The following PDZRN3 variants were observed in gnomAD, a reference collection of about 807,000 sequenced individuals.
PDZRN3 encodes E3 ubiquitin-protein ligase PDZRN3.
PDZRN3 carries 38 observed loss-of-function variants against 85.7 expected under a neutral mutation model. The observed-to-expected ratio is 0.44, with a 90% CI of 0.34 to 0.58. PDZRN3 has a LOEUF of 0.58. Among genes scored for constraint, PDZRN3 ranks in the 20% least tolerant of loss-of-function variants. The pLI is 0.01. For missense variants in PDZRN3, 1,629 were observed against 1,506.4 expected, an observed-to-expected ratio of 1.08 and a Z score of -1.35; for synonymous variants, 759 against 638.0, an observed-to-expected ratio of 1.19 and a Z score of -2.86.
intron 3 of PDZRN3, among the ~76,000 whole-genome samples, chr3:73,566,607 T>C (rs542712219): frequency 5.3e-5 from 8 of 152,290 alleles, no homozygotes; most frequent in African/African-American, 1.9e-4. Context: ...TTTCCTTTGA[T>C]GGTGTGACCC....
chr3:73,488,776 T>C (rs1437837584), intron 3 of PDZRN3, among the ~76,000 whole-genome samples: 2 of 152,246 alleles, frequency 1.3e-5, no homozygotes, highest in African/African-American at 4.8e-5. Flanking sequence ...TTCTAAATAA[T>C]TTTATCTTAA....
intron 3 of PDZRN3, among the ~76,000 whole-genome samples, chr3:73,445,543 C>T (rs1702729999): frequency 6.6e-6 from 1 of 152,180 alleles, no homozygotes; most frequent in Non-Finnish European, 1.5e-5. Flanking sequence ...AAATTACTTA[C>T]CAAGCCTCTA....
Position 73,384,473 on chromosome 3 carries a change from T to C in PDZRN3, c.2093A>G (p.Glu698Gly). The C allele has an allele frequency of 6.2e-7, 1 of 1,613,270 alleles. No homozygotes were observed. Among genetic ancestry groups the C allele is most frequent in the Non-Finnish European group, 8.5e-7 (1 of 1,179,998 alleles). ...GTGGGCGCGCACGATGCTCAGGCAC[T>C]CCAGCTCGATGCTGCGCAGCTCTTC... ...LNEELRSIELECLSIVRAHKM... is the reference protein window; with the variant it reads ...LNEELRSIELGCLSIVRAHKM... Residue 698 changes from glutamate to glycine, a missense_variant, in exon 10 of 10, where the codon GAG becomes GGG. Glu to Gly is a moderately conservative substitution (Grantham distance 98, BLOSUM62 -2). Coordinates refer to ENST00000263666, the MANE Select transcript of PDZRN3 (RefSeq NM_015009.3).
chr3:73,595,469 T>C (rs1351873681), intron 3 of PDZRN3, among the ~76,000 whole-genome samples: 2 of 152,156 alleles, frequency 1.3e-5, no homozygotes, highest in Non-Finnish European at 2.9e-5. Flanking sequence ...TGCATATCTG[T>C]GTGTGTTTAG....
chr3:73,480,761 T>C (rs1296364788), intron 3 of PDZRN3, among the ~76,000 whole-genome samples: 1 of 152,186 alleles, frequency 6.6e-6, no homozygotes, highest in Non-Finnish European at 1.5e-5. Context: ...CATCACCAGA[T>C]GATATATCTG....
intron 3 of PDZRN3, chr3:73,569,130 CT>C: frequency 7.8e-7 from 1 of 1,275,824 alleles, no homozygotes; most frequent in Non-Finnish European, 1.0e-6. Context: ...TCACACACCC[CT>C]TTTCATCACA....
At chr3:73,539,330 A>G (rs971892082) in intron 3 of PDZRN3, among the ~76,000 whole-genome samples, 2 of 152,216 alleles carry the variant, frequency 1.3e-5, no homozygotes, top group Non-Finnish European at 2.9e-5. Flanking sequence ...AGAAGAAGTC[A>G]TTAGAGACAA....
intron 3 of PDZRN3, among the ~76,000 whole-genome samples, chr3:73,420,518 A>C (rs1702178277): frequency 6.6e-6 from 1 of 152,166 alleles, no homozygotes; most frequent in Admixed American, 6.5e-5. Context: ...TGTTTTTAAG[A>C]AGCTTTGGCT....
chr3:73,537,126 G>C (rs995700346), intron 3 of PDZRN3, among the ~76,000 whole-genome samples: 4 of 152,178 alleles, frequency 2.6e-5, no homozygotes, highest in African/African-American at 9.7e-5. Context: ...TCAGGTAACA[G>C]AGTTCTGGCC....
At chr3:73,406,987 G>C (rs181782888) in intron 3 of PDZRN3, among the ~76,000 whole-genome samples, 2 of 152,212 alleles carry the variant, frequency 1.3e-5, no homozygotes, top group Non-Finnish European at 2.9e-5. Context: ...TCTGCTAAAA[G>C]AACTCTTTGT....
At chr3:73,594,660 T>C (rs1406466039) in intron 3 of PDZRN3, among the ~76,000 whole-genome samples, 4 of 151,974 alleles carry the variant, frequency 2.6e-5, no homozygotes, top group African/African-American at 7.2e-5. Context: ...CATTTCAACA[T>C]GTTCCTTCTA....
intron 3 of PDZRN3, among the ~76,000 whole-genome samples, chr3:73,431,828 G>C (rs763273143): frequency 6.6e-6 from 1 of 151,856 alleles, no homozygotes; most frequent in Non-Finnish European, 1.5e-5. Flanking sequence ...CAGAATCCAG[G>C]CTCCCTCTTT....
At chr3:73,444,669 T>C (rs1317902499) in intron 3 of PDZRN3, among the ~76,000 whole-genome samples, 1 of 152,136 alleles carries the variant, frequency 6.6e-6, no homozygotes, top group East Asian at 1.9e-4. Flanking sequence ...GGGAGAGAAG[T>C]CAGCTGTAGA....
At chr3:73,387,901 T>G (rs934556648) in intron 8 of PDZRN3, 67 bp downstream of exon 8, 1 of 736,980 alleles carries the variant, frequency 1.4e-6, no homozygotes, top group Non-Finnish European at 2.3e-6. Flanking sequence ...GGTGCTCTTT[T>G]GCAGGCCTGG....
At chr3:73,498,390 A>G (rs1703909545) in intron 3 of PDZRN3, among the ~76,000 whole-genome samples, 1 of 152,196 alleles carries the variant, frequency 6.6e-6, no homozygotes, top group Admixed American at 6.5e-5. Context: ...CAGTATCAAA[A>G]GAGAACACAG....
At chr3:73,502,262 T>C (rs1051615239) in intron 3 of PDZRN3, among the ~76,000 whole-genome samples, 1 of 152,320 alleles carries the variant, frequency 6.6e-6, no homozygotes, top group Non-Finnish European at 1.5e-5. Flanking sequence ...TGGCATGGAA[T>C]CAGGTATAAA....
intron 3 of PDZRN3, among the ~76,000 whole-genome samples, chr3:73,556,271 G>T (rs1701693520): frequency 6.6e-6 from 1 of 151,704 alleles, no homozygotes; most frequent in African/African-American, 2.4e-5. Context: ...TTCCAAAAAT[G>T]GTTTCAGAAA....
Position 73,624,209 on chromosome 3 carries a change from T to G in PDZRN3, c.617A>C (p.Gln206Pro). 6.7e-7 allele frequency: 1 copy of G among 1,488,598 alleles called. No homozygotes were observed. The highest frequency in any genetic ancestry group is 8.9e-7 in the Non-Finnish European group (1 of 1,126,190). The allele number at this position is 1,488,598 out of a possible 1,614,324, so 92.2% of individuals were successfully genotyped here. A position where few individuals can be genotyped will look rare whatever the true frequency, so the allele number is the denominator to read the frequency against. ...CAGCGCGGTCATCTGCAGCTCAAGCTGCGCCGCGGCCAGCTGGGCCACCAG... is the reference window on the plus strand; with the variant it reads ...CAGCGCGGTCATCTGCAGCTCAAGCGGCGCCGCGGCCAGCTGGGCCACCAG... ...KSLVAQLAAA[Q>P]LELQMTALRY... The change falls in exon 1 of 10, where the codon CAG becomes CCG. Residue 206 changes from glutamine to proline, a missense_variant. Physicochemically the swap from Gln to Pro is moderately conservative, Grantham distance 76 (BLOSUM62 -1). Coordinates refer to ENST00000263666, the MANE Select transcript of PDZRN3 (RefSeq NM_015009.3).
At chr3:73,543,938 C>T (rs562955711) in intron 3 of PDZRN3, among the ~76,000 whole-genome samples, 9 of 152,198 alleles carry the variant, frequency 5.9e-5, no homozygotes, top group South Asian at 2.1e-4. Flanking sequence ...AATTTAAGGC[C>T]GGGTGTGGTG....
Sources: gnomAD v4.1 joint callset for allele counts (sites outside exome capture counted in the v4.1 genomes callset) on GRCh38, gnomAD v4.1.1 for gene constraint, MANE v1.5 for transcripts, NCBI Gene and HGNC (gene_info 2026-07-23, HGNC 2026-07-21) for gene names.